Variants in NGF observed in about 807,000 individuals in gnomAD.
The protein encoded by NGF is beta-nerve growth factor.
Under a neutral mutation model 12.8 loss-of-function variants are expected in NGF, and 4 were observed. The ratio of observed to expected loss-of-function variants is 0.31; its 90% CI spans 0.15 to 0.72. The LOEUF is 0.72. Among genes scored for constraint, NGF ranks in the 30% least tolerant of loss-of-function variants. The probability of loss-of-function intolerance (pLI) is 0.69; values close to 1 mark genes in which losing one functional copy is unlikely to be tolerated. For missense variants in NGF, 283 were observed against 330.8 expected (o/e 0.86, Z 1.12); for synonymous variants, 140 against 130.0 (o/e 1.08, Z -0.52).
chr1:115,318,825 C>T (rs1266911402), intron 1 of NGF, among the ~76,000 whole-genome samples: 1 of 152,182 alleles, frequency 6.6e-6, no homozygotes, highest in African/African-American at 2.4e-5. Flanking sequence ...ATGCAGCTGA[C>T]AATCAGAATG....
intron 1 of NGF, among the ~76,000 whole-genome samples, chr1:115,327,906 T>C (rs1654819342): frequency 6.6e-6 from 1 of 152,168 alleles, no homozygotes; most frequent in Non-Finnish European, 1.5e-5. Context: ...GCGACATTAA[T>C]TTTACAGGCA....
intron 1 of NGF, among the ~76,000 whole-genome samples, chr1:115,304,925 G>C (rs4240542): frequency 0.73 from 111,295 of 152,046 alleles, 41,488 homozygotes; most frequent in Non-Finnish European, 0.81. Flanking sequence ...GGTCACTAGG[G>C]TAAGTATGCC....
chr1:115,325,553 C>A (rs1046984904), intron 1 of NGF, among the ~76,000 whole-genome samples: 8 of 152,098 alleles, frequency 5.3e-5, no homozygotes, highest in African/African-American at 1.4e-4. Context: ...AACCACTGAA[C>A]AAAAGCCATG....
chr1:115,315,412 A>C lies in NGF; in HGVS notation c.-136-21662T>G, dbSNP rs117709785. Among the ~76,000 whole-genome samples the C allele has an allele frequency of 2.5e-3, 383 of 152,140 alleles. 12 individuals carry two copies. In the East Asian group the frequency reaches 0.062, roughly 25 times the overall value. Reference sequence around the variant, plus strand: ...CAATGGAAGTGGGATATATTGGAGGAATAGGGTCAAAAGGACTTCCTGACA... The same window carrying C: ...CAATGGAAGTGGGATATATTGGAGGCATAGGGTCAAAAGGACTTCCTGACA... On this transcript the variant is annotated intron_variant, in intron 1 of 2. Coordinates refer to ENST00000369512, the MANE Select transcript of NGF (RefSeq NM_002506.3).
intron 1 of NGF, among the ~76,000 whole-genome samples, chr1:115,323,711 C>T (rs527980941): frequency 6.6e-6 from 1 of 152,300 alleles, no homozygotes; most frequent in South Asian, 2.1e-4. Flanking sequence ...GAGTAAGCTG[C>T]CTGCATCTTA....
chr1:115,308,572 C>A (rs1654261463), intron 1 of NGF, among the ~76,000 whole-genome samples: 1 of 152,096 alleles, frequency 6.6e-6, no homozygotes, highest in African/African-American at 2.4e-5. Context: ...AAATGGGCTG[C>A]CTGTTGTGGT....
At chr1:115,293,566 C>A (rs546059870) in intron 2 of NGF, 61 bp downstream of exon 2, 3 of 152,698 alleles carry the variant, frequency 2.0e-5, no homozygotes, top group African/African-American at 7.2e-5. Flanking sequence ...ACTTGGGACT[C>A]CTGCTTCTGG....
At chr1:115,325,614 C>A (rs1260030696) in intron 1 of NGF, among the ~76,000 whole-genome samples, 1 of 152,032 alleles carries the variant, frequency 6.6e-6, no homozygotes, top group Admixed American at 6.6e-5. Flanking sequence ...AGGCTCAGAG[C>A]TGGGAAAAAC....
intron 1 of NGF, among the ~76,000 whole-genome samples, chr1:115,306,965 GC>G (rs1654219794): frequency 6.6e-6 from 1 of 152,234 alleles, no homozygotes; most frequent in African/African-American, 2.4e-5. Flanking sequence ...GATGGCCCTG[GC>G]CCTGATGCTG....
intron 1 of NGF, among the ~76,000 whole-genome samples, chr1:115,310,850 G>C (rs1314153221): frequency 3.3e-5 from 5 of 152,014 alleles, no homozygotes; most frequent in African/African-American, 1.2e-4. Flanking sequence ...CCAGGCATTG[G>C]GGCAAGGGGT....
At chr1:115,290,811 C>T (rs1274517146) in intron 2 of NGF, among the ~76,000 whole-genome samples, 2 of 152,152 alleles carry the variant, frequency 1.3e-5, no homozygotes, top group Admixed American at 1.3e-4. Flanking sequence ...ATCTTTGTTG[C>T]CCCCAGGTGA....
chr1:115,309,950 G>A (rs929606967), intron 1 of NGF, among the ~76,000 whole-genome samples: 1 of 152,222 alleles, frequency 6.6e-6, no homozygotes, highest in Non-Finnish European at 1.5e-5. Context: ...AAAAAGCTAT[G>A]TGTATGACTT....
chr1:115,319,684 G>A (rs1408481835), intron 1 of NGF, among the ~76,000 whole-genome samples: 1 of 152,176 alleles, frequency 6.6e-6, no homozygotes, highest in Non-Finnish European at 1.5e-5. Context: ...CATTTCTGGT[G>A]CCTAGAAACA....
At chr1:115,312,382 C>T (rs1340013272) in intron 1 of NGF, among the ~76,000 whole-genome samples, 1 of 151,940 alleles carries the variant, frequency 6.6e-6, no homozygotes, top group Non-Finnish European at 1.5e-5. Context: ...ATGCTAGGTA[C>T]CACAGAGAAT....
rs1455814457 is a variant in NGF at position 115,286,306 on chromosome 1, T to C, written c.490A>G (p.Asn164Asp). Reference sequence around the variant, plus strand: ...TGTTTGAATACACTGTTGTTAATGTTCACCTCTCCCAACACCATCACCTCC... The same window carrying C: ...TGTTTGAATACACTGTTGTTAATGTCCACCTCTCCCAACACCATCACCTCC... ...GKEVMVLGEV[N>D]INNSVFKQYF... The change falls in exon 3 of 3, where the codon AAC becomes GAC. Residue 164 changes from asparagine (N) to aspartate (D), a missense_variant. Asn to Asp is a conservative substitution (Grantham distance 23). Around this residue, in one of 2 missense-constraint regions of NGF, gnomAD observed 132 missense variants for 189.2 expected, o/e 0.70. Coordinates refer to ENST00000369512, the MANE Select transcript of NGF (RefSeq NM_002506.3). 1 of 1,614,012 alleles carries C rather than the reference T, an allele frequency of 6.2e-7. No individual in the cohort carries two copies. The highest frequency in any genetic ancestry group is 2.2e-5 in the East Asian group (1 of 44,896).
intron 1 of NGF, among the ~76,000 whole-genome samples, chr1:115,303,443 ACAC>A (rs1654099605): frequency 6.6e-6 from 1 of 151,466 alleles, no homozygotes; most frequent in Admixed American, 6.6e-5. Flanking sequence ...ACCTCCTCCA[ACAC>A]CATCATCACC....
intron 1 of NGF, among the ~76,000 whole-genome samples, chr1:115,294,014 C>T (rs1351607340): frequency 2.0e-5 from 3 of 152,246 alleles, no homozygotes; most frequent in East Asian, 3.8e-4. Flanking sequence ...GCTGATCTTG[C>T]ACCTAGTGCA....
intron 1 of NGF, among the ~76,000 whole-genome samples, chr1:115,302,332 TA>T (rs35290932): frequency 6.6e-6 from 1 of 152,180 alleles, no homozygotes; most frequent in African/African-American, 2.4e-5. Context: ...TTATGAGCAC[TA>T]AAAGTGTACA....
intron 1 of NGF, among the ~76,000 whole-genome samples, chr1:115,302,373 T>C (rs1557939283): frequency 6.6e-6 from 1 of 152,216 alleles, no homozygotes; most frequent in Non-Finnish European, 1.5e-5. Flanking sequence ...ACATCCTCCT[T>C]ACTTCCAGCT....
Sources: allele counts gnomAD v4.1 joint callset (sites outside exome capture counted in the v4.1 genomes callset), GRCh38; gene constraint gnomAD v4.1.1; regional missense constraint gnomAD v4.1.1; transcripts MANE v1.5; gene names NCBI Gene and HGNC (gene_info 2026-07-23, HGNC 2026-07-21).